Variants in ZNF532 observed in about 807,000 individuals in gnomAD.
The protein encoded by ZNF532 is zinc finger protein 532.
ZNF532 carries 22 observed loss-of-function variants against 89.3 expected under a neutral mutation model. That is an observed-to-expected ratio of 0.25 (90% CI 0.18 to 0.35). The LOEUF (loss-of-function observed/expected upper bound fraction) is 0.35, where lower values mean the gene tolerates loss of function less well. ZNF532 is among the 10% of genes least tolerant of loss of function. ZNF532 has a pLI of 1.00. For synonymous variants in ZNF532, 606 were observed against 649.6 expected, an observed-to-expected ratio of 0.93 and a Z score of 1.02; for missense variants, 1,132 against 1,643.4, an observed-to-expected ratio of 0.69 and a Z score of 5.38.
chr18:58,948,960 G>A (rs2063906581), intron 6 of ZNF532, among the ~76,000 whole-genome samples: 1 of 151,912 alleles, frequency 6.6e-6, no homozygotes, highest in African/African-American at 2.4e-5. Context: ...GAAAAATGAA[G>A]GTTTTTTCCC....
intron 9 of ZNF532, 96 bp from the exon 10 acceptor site, chr18:58,983,876 G>A: frequency 1.4e-6 from 2 of 1,477,812 alleles, no homozygotes; most frequent in Admixed American, 2.2e-5. Context: ...TTCAGCACAA[G>A]TTTTCCTGGC....
At chr18:58,928,152 C>A (rs1200602925) in intron 3 of ZNF532, among the ~76,000 whole-genome samples, 1 of 152,150 alleles carries the variant, frequency 6.6e-6, no homozygotes, top group African/African-American at 2.4e-5. Context: ...CCCCAGGGTG[C>A]TTCTCTGCAC....
chr18:58,875,891 A>G (rs559267449), intron 2 of ZNF532, among the ~76,000 whole-genome samples: 1 of 136,470 alleles, frequency 7.3e-6, no homozygotes, highest in African/African-American at 2.8e-5. Context: ...TCTAGAGTGT[A>G]TTTCTCACAC....
At chr18:58,964,898 C>T (rs914762121) in intron 7 of ZNF532, among the ~76,000 whole-genome samples, 4 of 151,120 alleles carry the variant, frequency 2.6e-5, no homozygotes, top group African/African-American at 4.8e-5. Flanking sequence ...TGCGCCATCA[C>T]ACCTGGCCTA....
intron 7 of ZNF532, among the ~76,000 whole-genome samples, chr18:58,970,267 T>A (rs2066345097): frequency 6.6e-6 from 1 of 152,242 alleles, no homozygotes; most frequent in African/African-American, 2.4e-5. Context: ...AATTGCTTTA[T>A]GATTAAAAAG....
intron 7 of ZNF532, among the ~76,000 whole-genome samples, chr18:58,960,918 C>T (rs1251597363): frequency 1.3e-5 from 2 of 152,142 alleles, no homozygotes; most frequent in East Asian, 1.9e-4. Context: ...AATAAAAGTA[C>T]ACAGATATTA....
intron 7 of ZNF532, among the ~76,000 whole-genome samples, chr18:58,962,856 C>T (rs1179483335): frequency 6.6e-6 from 1 of 152,048 alleles, no homozygotes; most frequent in Non-Finnish European, 1.5e-5. Context: ...CCGCCTCGGC[C>T]TCCCAAAGTG....
chr18:58,905,991 C>T (rs1365439969), intron 2 of ZNF532, among the ~76,000 whole-genome samples: 1 of 152,110 alleles, frequency 6.6e-6, no homozygotes, highest in African/African-American at 2.4e-5. Context: ...GGTAGTGTGT[C>T]TCTGGGAAGA....
intron 2 of ZNF532, among the ~76,000 whole-genome samples, chr18:58,890,758 T>TC (rs1200966510): frequency 4.0e-5 from 6 of 151,752 alleles, no homozygotes; most frequent in African/African-American, 1.5e-4. Context: ...TTCTTCCTCC[T>TC]CCCCCACTCC....
At chr18:58,951,672 T>G (rs2064201281) in intron 6 of ZNF532, among the ~76,000 whole-genome samples, 1 of 130,756 alleles carries the variant, frequency 7.6e-6, no homozygotes, top group South Asian at 2.4e-4. Flanking sequence ...TTTTTTGAGA[T>G]GGAGTTTTGC....
At chr18:58,908,963 T>G (rs1339092880) in intron 2 of ZNF532, among the ~76,000 whole-genome samples, 3 of 152,188 alleles carry the variant, frequency 2.0e-5, no homozygotes, top group Non-Finnish European at 4.4e-5. Context: ...CTGAAGATGT[T>G]TTTTTTGGAG....
At chr18:58,976,880 T>C (rs931690098) in intron 7 of ZNF532, among the ~76,000 whole-genome samples, 5 of 152,234 alleles carry the variant, frequency 3.3e-5, no homozygotes, top group East Asian at 1.9e-4. Flanking sequence ...AATATCTTTA[T>C]TGAAATACAG....
At chr18:58,930,136 T>A (rs2061828631) in intron 3 of ZNF532, among the ~76,000 whole-genome samples, 1 of 152,200 alleles carries the variant, frequency 6.6e-6, no homozygotes, top group South Asian at 2.1e-4. Flanking sequence ...AGGCTACTTT[T>A]CTGCCTAAAA....
chr18:58,963,074 G>A (rs1373872556), intron 7 of ZNF532, among the ~76,000 whole-genome samples: 1 of 152,084 alleles, frequency 6.6e-6, no homozygotes, highest in Non-Finnish European at 1.5e-5. Context: ...TATGTTTTGG[G>A]GAAGGTTGAT....
At chr18:58,972,312 A>G (rs1434910526) in intron 7 of ZNF532, among the ~76,000 whole-genome samples, 1 of 152,236 alleles carries the variant, frequency 6.6e-6, no homozygotes, top group Non-Finnish European at 1.5e-5. Context: ...TTAGAAATAT[A>G]AATACACATC....
At chr18:58,923,425 A>G (rs1213815397) in intron 3 of ZNF532, among the ~76,000 whole-genome samples, 1 of 151,774 alleles carries the variant, frequency 6.6e-6, no homozygotes, top group Non-Finnish European at 1.5e-5. Context: ...CAGTAGGAAT[A>G]GCTGCTGTGT....
chr18:58,971,191 C>T (rs980586268), intron 7 of ZNF532, among the ~76,000 whole-genome samples: 7 of 152,102 alleles, frequency 4.6e-5, no homozygotes, highest in African/African-American at 1.7e-4. Flanking sequence ...TGGTTTAACC[C>T]TCTTTATTTC....
intron 2 of ZNF532, among the ~76,000 whole-genome samples, chr18:58,901,997 T>G (rs2059632229): frequency 6.6e-6 from 1 of 152,202 alleles, no homozygotes; most frequent in Admixed American, 6.5e-5. Flanking sequence ...CCACTTCCTC[T>G]TTGTCTTCTC....
rs2060959764 is a variant in ZNF532 at position 58,920,585 on chromosome 18, G to A, written c.2298G>A (p.Glu766=). The A allele has an allele frequency of 6.2e-7, 1 of 1,606,060 alleles. No individual in the cohort carries two copies. The highest frequency in any genetic ancestry group is 1.3e-5 in the African/African-American group (1 of 74,872). ...CLECNEVFQD[E]TSLATHFQQA... is the part of the protein sequence containing the mutation. ...AGTGTAATGAAGTCTTCCAGGACGAGACATCACTGGCTACACATTTCCAGC... is the reference window on the plus strand; with the variant it reads ...AGTGTAATGAAGTCTTCCAGGACGAAACATCACTGGCTACACATTTCCAGC... Residue 766 remains glutamate, a synonymous_variant, in exon 3 of 10, where the codon GAG becomes GAA. Transcript: ENST00000591808.
Sources: allele counts gnomAD v4.1 joint callset (sites outside exome capture counted in the v4.1 genomes callset), GRCh38; gene constraint gnomAD v4.1.1; transcripts MANE v1.5; gene names NCBI Gene and HGNC (gene_info 2026-07-23, HGNC 2026-07-21).